The following ARHGAP24 variants were observed in gnomAD, a reference collection of about 807,000 sequenced individuals.
The protein encoded by ARHGAP24 is Rho GTPase activating protein 24.
ARHGAP24 carries 50 observed loss-of-function variants against 76.4 expected under a neutral mutation model. The observed-to-expected ratio is 0.65, with a 90% CI of 0.52 to 0.83. The LOEUF (loss-of-function observed/expected upper bound fraction) is 0.83. ARHGAP24 is among the 40% of genes least tolerant of loss of function. The probability of loss-of-function intolerance (pLI) is 0.00; values close to 1 mark genes in which losing one functional copy is unlikely to be tolerated. For missense variants in ARHGAP24, 930 were observed against 914.2 expected (o/e 1.02, Z -0.22); for synonymous variants, 345 against 323.3 (o/e 1.07, Z -0.72).
chr4:85,899,767 G>T (rs904839424), intron 3 of ARHGAP24, among the ~76,000 whole-genome samples: 21 of 152,156 alleles, frequency 1.4e-4, no homozygotes, highest in African/African-American at 5.1e-4. Flanking sequence ...AGTAATTCAG[G>T]CTGAGCATGG....
intron 3 of ARHGAP24, among the ~76,000 whole-genome samples, chr4:85,921,546 T>TTAA (rs147037870): frequency 1.3e-5 from 2 of 151,308 alleles, no homozygotes; most frequent in East Asian, 1.9e-4. Context: ...AAAGTTTTTT[T>TTAA]AAAAAAAAAG....
intron 5 of ARHGAP24, among the ~76,000 whole-genome samples, chr4:85,947,472 C>T (rs1737350354): frequency 6.6e-6 from 1 of 152,120 alleles, no homozygotes; most frequent in Non-Finnish European, 1.5e-5. Context: ...TGATCACCTC[C>T]CAAAGGCTTC....
intron 3 of ARHGAP24, among the ~76,000 whole-genome samples, chr4:85,842,599 G>A (rs1305708031): frequency 1.3e-5 from 2 of 152,134 alleles, no homozygotes; most frequent in Admixed American, 6.5e-5. Flanking sequence ...TAATTATTCC[G>A]TGGTCATGAA....
At chr4:85,996,593 G>A (rs539252069) in intron 9 of ARHGAP24, among the ~76,000 whole-genome samples, 1 of 152,034 alleles carries the variant, frequency 6.6e-6, no homozygotes, top group East Asian at 1.9e-4. Flanking sequence ...CAGAAGCTAT[G>A]GCAAAATAAA....
chr4:85,771,575 T>C lies in ARHGAP24; in HGVS notation c.268+49603T>C, dbSNP rs1044105155. Among the ~76,000 whole-genome samples, 18 of 152,252 alleles carry C rather than the reference T, an allele frequency of 1.2e-4. 1 individual carries two copies. The highest frequency in any genetic ancestry group is 1.1e-3 in the Admixed American group (17 of 15,280). On this transcript the variant is annotated intron_variant, in intron 3 of 9. Coordinates refer to ENST00000395184, the MANE Select transcript of ARHGAP24 (RefSeq NM_001025616.3). Reference sequence around the variant, plus strand: ...ATCAGAAATAATGTTTTACCAGCTATCTGAGCATCACTAGACCCAGTCAAG... The same window carrying C: ...ATCAGAAATAATGTTTTACCAGCTACCTGAGCATCACTAGACCCAGTCAAG...
intron 1 of ARHGAP24, among the ~76,000 whole-genome samples, chr4:85,476,682 G>A (rs561139804): frequency 6.6e-6 from 1 of 152,260 alleles, no homozygotes; most frequent in South Asian, 2.1e-4. Flanking sequence ...CAAACAATCT[G>A]TCCCCAGTTC....
At chr4:85,615,620 A>G (rs1720516299) in intron 2 of ARHGAP24, among the ~76,000 whole-genome samples, 1 of 152,198 alleles carries the variant, frequency 6.6e-6, no homozygotes. Flanking sequence ...TATTTTTGGT[A>G]AGAAAAATAT....
At chr4:85,895,001 C>CAAAAAA (rs1222078793) in intron 3 of ARHGAP24, among the ~76,000 whole-genome samples, 18 of 54,328 alleles carry the variant, frequency 3.3e-4, no homozygotes, top group Admixed American at 5.3e-4. Flanking sequence ...AAACAAAAAG[C>CAAAAAA]AAAAAAAAAA....
rs529971821 is a variant in ARHGAP24 at position 85,822,831 on chromosome 4, T to C, written c.269-100817T>C. Among the ~76,000 whole-genome samples the C allele has an allele frequency of 3.9e-5, 6 of 152,316 alleles. No homozygotes were observed. In the South Asian group the frequency reaches 1.2e-3, roughly 32 times the overall value. On this transcript the variant is annotated intron_variant, in intron 3 of 9. Coordinates refer to ENST00000395184, the MANE Select transcript of ARHGAP24 (RefSeq NM_001025616.3). ...ACATACACACACCTGCCATATTCCC[T>C]GTATCACTTTTTTATATTTTAAAAA...
chr4:85,807,824 C>G (rs1310319231), intron 3 of ARHGAP24, among the ~76,000 whole-genome samples: 2 of 152,214 alleles, frequency 1.3e-5, no homozygotes, highest in South Asian at 2.1e-4. Context: ...CACCGCTATT[C>G]CAAGGTCCTG....
intron 2 of ARHGAP24, among the ~76,000 whole-genome samples, chr4:85,643,864 G>A (rs1290845214): frequency 1.3e-5 from 2 of 152,162 alleles, no homozygotes; most frequent in African/African-American, 4.8e-5. Context: ...TGAAAGCTGT[G>A]TGTTTGAGTC....
chr4:85,611,550 A>C (rs1441457245), intron 2 of ARHGAP24, among the ~76,000 whole-genome samples: 2 of 152,210 alleles, frequency 1.3e-5, no homozygotes, highest in Non-Finnish European at 2.9e-5. Flanking sequence ...CTTATGGAAA[A>C]GTTTGGATTT....
intron 2 of ARHGAP24, among the ~76,000 whole-genome samples, chr4:85,643,231 TGTG>T (rs1355945372): frequency 5.1e-5 from 5 of 98,102 alleles, no homozygotes; most frequent in African/African-American, 1.9e-4. Context: ...TCCGTTTTTT[TGTG>T]TTTTTTTTTT....
At position 85,988,466 on chromosome 4, in the gene ARHGAP24, C is replaced by A. The variant is rs997630432; in HGVS notation, c.929-6117C>A. ...TACTTTAAGACTTTTAATTTGTATG[C>A]AAAGTGTTGCAATATTATTTAAAAG... is the stretch of plus-strand genomic sequence containing the variant. On this transcript the variant is annotated intron_variant, in intron 8 of 9. Transcript: ENST00000395184. Among the ~76,000 whole-genome samples, 10 of 151,378 alleles carry A rather than the reference C, an allele frequency of 6.6e-5. No individual in the cohort carries two copies. In the East Asian group the frequency reaches 1.7e-3, roughly 26 times the overall value.
intron 4 of ARHGAP24, among the ~76,000 whole-genome samples, chr4:85,927,145 T>C (rs1167620155): frequency 3.3e-5 from 5 of 152,170 alleles, no homozygotes; most frequent in African/African-American, 4.8e-5. Flanking sequence ...GAATGGATTA[T>C]TATTAAGCCA....
In ARHGAP24 at chr4:85,888,391, C is replaced by T. The variant is rs535423811; in HGVS notation, c.269-35257C>T. 1.3e-4 allele frequency among the ~76,000 whole-genome samples: 16 copies of T among 119,490 alleles called. No individual in the cohort carries two copies. In the East Asian group the frequency reaches 3.5e-3, roughly 26 times the overall value. The allele number at this position is 119,490 out of a possible 152,430, so 78.4% of individuals were successfully genotyped here. A position where few individuals can be genotyped will look rare whatever the true frequency, so the allele number is the denominator to read the frequency against. ...CTCCAGCCTGGGCAACAGAGCAAGA[C>T]TTCCTCTCAAGAAAAAAAAAAAAAA... On this transcript the variant is annotated intron_variant, in intron 3 of 9. Coordinates refer to ENST00000395184, the MANE Select transcript of ARHGAP24 (RefSeq NM_001025616.3).
At chr4:85,533,669 A>G (rs761103622) in intron 1 of ARHGAP24, among the ~76,000 whole-genome samples, 4 of 152,192 alleles carry the variant, frequency 2.6e-5, no homozygotes, top group Non-Finnish European at 5.9e-5. Flanking sequence ...TCTGAAATAT[A>G]TCTTTCAGTC....
Position 85,977,624 on chromosome 4 carries a change from C to T in ARHGAP24, c.861C>T (p.Asn287=), listed in dbSNP as rs746246519. 1.2e-6 allele frequency: 2 copies of T among 1,613,908 alleles called. No individual in the cohort carries two copies. The highest frequency in any genetic ancestry group is 1.7e-6 in the Non-Finnish European group (2 of 1,179,824). Residue 287 remains asparagine, a synonymous_variant, in exon 8 of 10, where the codon AAC becomes AAT. Transcript: ENST00000395184. Reference sequence around the variant, plus strand: ...GAGTTAACAAAATGAGTGTGCAGAACTTGGCAACGGTCTTTGGTCCTAATA... The same window carrying T: ...GAGTTAACAAAATGAGTGTGCAGAATTTGGCAACGGTCTTTGGTCCTAATA... ...YSGVNKMSVQ[N]LATVFGPNIL... is the part of the protein sequence containing the mutation.
At chr4:85,793,743 A>C (rs975963978) in intron 3 of ARHGAP24, among the ~76,000 whole-genome samples, 3 of 152,190 alleles carry the variant, frequency 2.0e-5, no homozygotes, top group Non-Finnish European at 4.4e-5. Context: ...GTAGTCCCTA[A>C]GTGTGTTTTC....
Sources: allele counts gnomAD v4.1 joint callset (sites outside exome capture counted in the v4.1 genomes callset), GRCh38; gene constraint gnomAD v4.1.1; transcripts MANE v1.5; gene names NCBI Gene and HGNC (gene_info 2026-07-23, HGNC 2026-07-21).